NSD1: variants seen among roughly 807,000 people sequenced by gnomAD.
The protein encoded by NSD1 is histone-lysine N-methyltransferase, H3 lysine-36 specific.
A neutral mutation model predicts 242.7 loss-of-function variants in NSD1; 26 were observed. The ratio of observed to expected loss-of-function variants is 0.11; its 90% CI spans 0.08 to 0.15. The LOEUF (loss-of-function observed/expected upper bound fraction) is 0.15, where lower values mean the gene tolerates loss of function less well. Among genes scored for constraint, NSD1 ranks in the 10% least tolerant of loss-of-function variants. The pLI is 1.00. For missense variants in NSD1, 2,495 were observed against 3,272.8 expected, an observed-to-expected ratio of 0.76 and a Z score of 5.80; for synonymous variants, 1,106 against 1,178.1, an observed-to-expected ratio of 0.94 and a Z score of 1.25.
At chr5:177,284,455 GT>G (rs200585056) in intron 20 of NSD1, among the ~76,000 whole-genome samples, 10 of 147,284 alleles carry the variant, frequency 6.8e-5, no homozygotes, top group Admixed American at 2.7e-4. Context: ...TTTGTTTTTT[GT>G]TTTTTTTTTG....
chr5:177,199,900 T>G (rs1762387626), intron 3 of NSD1, among the ~76,000 whole-genome samples: 1 of 151,982 alleles, frequency 6.6e-6, no homozygotes, highest in South Asian at 2.1e-4. Flanking sequence ...CGGCCTCAAC[T>G]TAATATTTTC....
intron 2 of NSD1, among the ~76,000 whole-genome samples, chr5:177,159,766 AT>A (rs1306233413): frequency 1.3e-5 from 2 of 149,742 alleles, no homozygotes; most frequent in East Asian, 3.9e-4. Flanking sequence ...CTAATTTTGT[AT>A]TTTTGTTAGA....
intron 2 of NSD1, among the ~76,000 whole-genome samples, chr5:177,172,737 TG>T (rs1029297099): frequency 2.6e-5 from 4 of 152,092 alleles, no homozygotes; most frequent in African/African-American, 9.7e-5. Context: ...GGTGGGAGGA[TG>T]GCTTGGGCCC....
At chr5:177,267,339 C>T (rs1757574607) in intron 14 of NSD1, among the ~76,000 whole-genome samples, 1 of 152,152 alleles carries the variant, frequency 6.6e-6, no homozygotes, top group Admixed American at 6.6e-5. Context: ...GTGAATTTCC[C>T]AAGGGCCTGT....
At chr5:177,266,381 T>G in intron 14 of NSD1, 1 of 673,210 alleles carries the variant, frequency 1.5e-6, no homozygotes, top group Non-Finnish European at 2.8e-6. Flanking sequence ...GCGGCGAACA[T>G]GCAGAGGATG....
At chr5:177,234,815 A>G (rs1184580917) in intron 5 of NSD1, among the ~76,000 whole-genome samples, 1 of 152,208 alleles carries the variant, frequency 6.6e-6, no homozygotes, top group Non-Finnish European at 1.5e-5. Flanking sequence ...GCTATCCCAC[A>G]GAATGCCTCT....
At chr5:177,280,033 C>T (rs751099621) in intron 17 of NSD1, among the ~76,000 whole-genome samples, 8 of 144,004 alleles carry the variant, frequency 5.6e-5, no homozygotes, top group Non-Finnish European at 1.2e-4. Context: ...ACCGAGAGAC[C>T]GAGTCTCACT....
rs1759598973 is a variant in NSD1 at position 177,170,429 on chromosome 5, C to T, written c.928-21455C>T. Among the ~76,000 whole-genome samples the T allele has an allele frequency of 2.0e-5, 3 of 151,824 alleles. No homozygotes were observed. The South Asian group carries it at 6.2e-4, about 32-fold the overall frequency. Reference sequence around the variant, plus strand: ...GCAGTGGCGTGATCTCGGCTCACTGCAACCTCCGCCTCCCGGGTTCAAGCA... The same window carrying T: ...GCAGTGGCGTGATCTCGGCTCACTGTAACCTCCGCCTCCCGGGTTCAAGCA... On this transcript the variant is annotated intron_variant, in intron 2 of 22. Transcript: ENST00000439151.
chr5:177,181,345 G>C (rs1023424621), intron 2 of NSD1, among the ~76,000 whole-genome samples: 3 of 151,494 alleles, frequency 2.0e-5, no homozygotes, highest in African/African-American at 7.3e-5. Context: ...CTATCAAATG[G>C]CATTGAATGC....
chr5:177,238,550 A>C lies in NSD1; in HGVS notation c.4192+43A>C. 6.2e-7 allele frequency: 1 copy of C among 1,601,196 alleles called. No individual in the cohort carries two copies. Among genetic ancestry groups the C allele is most frequent in the Middle Eastern group, 1.7e-4 (1 of 6,032 alleles). ...TCTCAGTATTTGAGCAGATATGATT[A>C]GAGGAAGCAGGAGATTTTAGTATGT... On this transcript the variant is annotated intron_variant, in intron 7 of 22. Coordinates refer to ENST00000439151, the MANE Select transcript of NSD1 (RefSeq NM_022455.5). This position sits in a 1 kb window ranked among gnomAD's most constrained non-coding sequence, Gnocchi z 4.6.
intron 2 of NSD1, among the ~76,000 whole-genome samples, chr5:177,175,522 G>A (rs1324758241): frequency 6.6e-6 from 1 of 152,000 alleles, no homozygotes; most frequent in Admixed American, 6.6e-5. Flanking sequence ...CAGCGACTTG[G>A]TGGGGCTGAG....
chr5:177,175,728 A>C (rs1760137054), intron 2 of NSD1, among the ~76,000 whole-genome samples: 1 of 152,188 alleles, frequency 6.6e-6, no homozygotes, highest in Admixed American at 6.6e-5. Flanking sequence ...CATTTAAGCC[A>C]TATGGAAAAT....
intron 13 of NSD1, among the ~76,000 whole-genome samples, chr5:177,257,973 CTTTTTTTTTTTT>C (rs35034666): frequency 5.1e-4 from 27 of 52,568 alleles, no homozygotes; most frequent in African/African-American, 1.8e-3. Context: ...CCCCCTGGGC[CTTTTTTTTTTTT>C]TTTTTTTTTT....
intron 18 of NSD1, 56 bp downstream of exon 18, chr5:177,280,890 A>G (rs1758819825): frequency 1.3e-6 from 2 of 1,561,022 alleles, no homozygotes; most frequent in African/African-American, 1.4e-5. Context: ...GCTTGATATC[A>G]TTGATCCTTG....
At chr5:177,168,018 G>A (rs1378776405) in intron 2 of NSD1, among the ~76,000 whole-genome samples, 1 of 152,114 alleles carries the variant, frequency 6.6e-6, no homozygotes, top group African/African-American at 2.4e-5. Context: ...TCTCTAAATA[G>A]GCCATTGGAA....
chr5:177,178,123 G>A (rs532311317), intron 2 of NSD1, among the ~76,000 whole-genome samples: 2 of 152,070 alleles, frequency 1.3e-5, no homozygotes, highest in East Asian at 1.9e-4. Flanking sequence ...TCAAACTCTT[G>A]GGCCTCAAGT....
chr5:177,183,030 G>C (rs964586493), intron 2 of NSD1, among the ~76,000 whole-genome samples: 2 of 152,218 alleles, frequency 1.3e-5, no homozygotes, highest in Middle Eastern at 3.4e-3. Flanking sequence ...TCCTGCCTTG[G>C]CTTCCGAAAG....
chr5:177,180,002 G>A (rs1428803161), intron 2 of NSD1, among the ~76,000 whole-genome samples: 1 of 152,046 alleles, frequency 6.6e-6, no homozygotes, highest in Non-Finnish European at 1.5e-5. Context: ...CAGGTTTCAA[G>A]CGATTCTCCT....
chr5:177,288,182 GAGGAC>G (rs1420381008), intron 20 of NSD1, among the ~76,000 whole-genome samples: 3 of 152,316 alleles, frequency 2.0e-5, no homozygotes, highest in Admixed American at 6.5e-5. Context: ...AAGAGAGAAA[GAGGAC>G]AGTTTGCCTG....
Sources: allele counts gnomAD v4.1 joint callset (sites outside exome capture counted in the v4.1 genomes callset), GRCh38; gene constraint gnomAD v4.1.1; non-coding constraint Gnocchi (gnomAD v3.1); transcripts MANE v1.5; gene names NCBI Gene and HGNC (gene_info 2026-07-23, HGNC 2026-07-21).